Variants in NDC80 observed in about 807,000 individuals in gnomAD.
NDC80 encodes the protein NDC80 kinetochore complex component, also known as kinetochore protein NDC80 homolog.
NDC80 carries 69 observed loss-of-function variants against 89.3 expected under a neutral mutation model. The ratio of observed to expected loss-of-function variants is 0.77; its 90% CI spans 0.64 to 0.94. The LOEUF (loss-of-function observed/expected upper bound fraction) is 0.94, where lower values mean the gene tolerates loss of function less well. Among genes scored for constraint, NDC80 ranks in the 40% least tolerant of loss-of-function variants. The pLI, the probability that NDC80 is intolerant of heterozygous loss-of-function variation, is 0.00. For missense variants in NDC80, 593 were observed against 739.6 expected (o/e 0.80, Z 2.30); for synonymous variants, 243 against 255.6 (o/e 0.95, Z 0.47).
intron 13 of NDC80, among the ~76,000 whole-genome samples, chr18:2,605,274 AT>A (rs2072704795): frequency 4.7e-5 from 6 of 127,178 alleles, no homozygotes; most frequent in Admixed American, 8.0e-5. Context: ...GGCTATATGT[AT>A]GTGTGTGTGT....
At chr18:2,598,561 T>C (rs953002739) in intron 11 of NDC80, among the ~76,000 whole-genome samples, 2 of 152,204 alleles carry the variant, frequency 1.3e-5, no homozygotes, top group African/African-American at 4.8e-5. Flanking sequence ...AATATATTAC[T>C]AAAATATTTT....
intron 7 of NDC80, among the ~76,000 whole-genome samples, chr18:2,585,559 T>G (rs1440399935): frequency 6.6e-6 from 1 of 152,228 alleles, no homozygotes; most frequent in African/African-American, 2.4e-5. Context: ...TCTACTCCAT[T>G]GCTTTTGCAC....
chr18:2,578,569 T>G (rs1171705009), intron 5 of NDC80, among the ~76,000 whole-genome samples: 1 of 152,014 alleles, frequency 6.6e-6, no homozygotes, highest in Non-Finnish European at 1.5e-5. Flanking sequence ...TCACGCCTGG[T>G]GAAAACAGAG....
At chr18:2,614,440 A>C (rs1204367458) in intron 16 of NDC80, 1 of 4,692 alleles carries the variant, frequency 2.1e-4, no homozygotes, top group Non-Finnish European at 3.1e-4. Flanking sequence ...TGTCTCAAAA[A>C]AAGAAAGAAA....
chr18:2,577,608 TTAAA>T lies in NDC80; in HGVS notation c.180-134_180-131del. 3 of 941,466 alleles carry T rather than the reference TTAAA, an allele frequency of 3.2e-6. No individual in the cohort carries two copies. The South Asian group carries it at 5.1e-5, about 16-fold the overall frequency. 58.3% of individuals were successfully genotyped at this position (941,466 alleles called of 1,614,324 possible). On this transcript the variant is annotated intron_variant, in intron 3 of 16. Coordinates refer to ENST00000261597, the MANE Select transcript of NDC80 (RefSeq NM_006101.3). ...TCGTTATTTGCTCCTTTTCTCTGCTTTAAATAAGAGAATTCTGTTTAGTTATAAG... is the reference window on the plus strand; with the variant it reads ...TCGTTATTTGCTCCTTTTCTCTGCTTTAAGAGAATTCTGTTTAGTTATAAG...
chr18:2,609,433 C>G (rs962930460), intron 15 of NDC80, among the ~76,000 whole-genome samples: 2 of 152,064 alleles, frequency 1.3e-5, no homozygotes, highest in African/African-American at 4.8e-5. Context: ...GAGGCCGAGA[C>G]AGGAGAATCA....
chr18:2,577,988 A>G lies in NDC80; in HGVS notation c.323A>G (p.Tyr108Cys), dbSNP rs1324358032. 1.2e-6 allele frequency: 2 copies of G among 1,613,392 alleles called. No individual in the cohort carries two copies. Among genetic ancestry groups the G allele is most frequent in the East Asian group, 2.2e-5 (1 of 44,852 alleles). Reference sequence around the variant, plus strand: ...TTGTAGTTTCTTACAGAAAATGGTTATGCACATAATGTGTCCATGAAATCT... The same window carrying G: ...TTGTAGTTTCTTACAGAAAATGGTTGTGCACATAATGTGTCCATGAAATCT... ...QLCEFLTENG[Y>C]AHNVSMKSLQ... Residue 108 changes from tyrosine to cysteine, a missense_variant, in exon 5 of 17, where the codon TAT becomes TGT. Tyr to Cys is a radical substitution (Grantham distance 194). Coordinates refer to ENST00000261597, the MANE Select transcript of NDC80 (RefSeq NM_006101.3).
At chr18:2,604,648 T>A (rs1356373799) in intron 13 of NDC80, among the ~76,000 whole-genome samples, 1 of 152,156 alleles carries the variant, frequency 6.6e-6, no homozygotes, top group Non-Finnish European at 1.5e-5. Context: ...GCCACTGCAC[T>A]CCAGCCTAGG....
At chr18:2,610,346 G>C (rs28374464) in intron 15 of NDC80, among the ~76,000 whole-genome samples, 9,611 of 152,200 alleles carry the variant, frequency 0.063, 327 homozygotes, top group African/African-American at 0.082. Flanking sequence ...TGTAGGCCAA[G>C]GGGAGAAAAC....
At chr18:2,571,944 CGG>C (rs2143623541) in intron 1 of NDC80, among the ~76,000 whole-genome samples, 1 of 151,954 alleles carries the variant, frequency 6.6e-6, no homozygotes, top group East Asian at 1.9e-4. Context: ...GGAGAGGAAA[CGG>C]GGAAGAATTG....
At chr18:2,598,957 A>G in intron 11 of NDC80, 62 bp from the exon 12 acceptor site, 1 of 1,416,350 alleles carries the variant, frequency 7.1e-7, no homozygotes, top group East Asian at 2.5e-5. Flanking sequence ...TAGAAATGTC[A>G]ATTGAAAAAA....
intron 15 of NDC80, among the ~76,000 whole-genome samples, chr18:2,609,224 T>C (rs1863981557): frequency 6.6e-6 from 1 of 152,178 alleles, no homozygotes; most frequent in African/African-American, 2.4e-5. Flanking sequence ...ATGTATATTA[T>C]ATAGTAAAAT....
intron 3 of NDC80, chr18:2,577,411 T>C: frequency 5.1e-6 from 1 of 195,232 alleles, no homozygotes; most frequent in Non-Finnish European, 1.1e-5. Flanking sequence ...GAGACGAGGT[T>C]TCACCATCTT....
chr18:2,614,542 AGGAAGGAAGGAAGGAAGGAAGG>A, intron 16 of NDC80: 4 of 5,380 alleles, frequency 7.4e-4, no homozygotes, highest in African/African-American at 4.7e-3. Context: ...GAAGGAAGGA[AGGAAGGAAGGAAGGAAGGAAGG>A]GAAAGAAAGA....
intron 7 of NDC80, 87 bp downstream of exon 7, chr18:2,585,289 T>TAA: frequency 1.0e-6 from 1 of 990,236 alleles, no homozygotes; most frequent in Non-Finnish European, 1.6e-6. Flanking sequence ...CCCCTCGACT[T>TAA]ATGATAGAGT....
chr18:2,598,166 G>A (rs944065038), intron 11 of NDC80, among the ~76,000 whole-genome samples: 5 of 152,310 alleles, frequency 3.3e-5, no homozygotes, highest in African/African-American at 1.2e-4. Flanking sequence ...GTTCCAACGT[G>A]TGCTCTTACC....
Position 2,601,402 on chromosome 18 carries a change from C to A in NDC80, c.1381C>A (p.Leu461Ile). The A allele has an allele frequency of 1.3e-6, 2 of 1,485,706 alleles. No individual in the cohort carries two copies. Among genetic ancestry groups the A allele is most frequent in the South Asian group, 1.3e-5 (1 of 77,360 alleles). The allele number at this position is 1,485,706 out of a possible 1,614,324, so 92.0% of individuals were successfully genotyped here. The change falls in exon 13 of 17, where the codon CTT (leucine) becomes ATT (isoleucine). Residue 461 changes from leucine to isoleucine, a missense_variant. Leu to Ile is a conservative substitution (Grantham distance 5, BLOSUM62 2). Coordinates refer to ENST00000261597, the MANE Select transcript of NDC80 (RefSeq NM_006101.3). ...ATTCCTATGTATTTTATAGGTACCT[C>A]TTAAGGAACTCCTGAATGAAACTGA... The part of the protein sequence containing the change: ...VKYRAQVYVP[L>I]KELLNETEEE...
chr18:2,616,488 A>T lies in NDC80; in HGVS notation c.1843A>T (p.Met615Leu). Reference sequence around the variant, plus strand: ...AGTTGATAGAGAATATGAAGAATGCATGTCAGAAGATCTCTCGGAAAATAT... The same window carrying T: ...AGTTGATAGAGAATATGAAGAATGCTTGTCAGAAGATCTCTCGGAAAATAT... ...AKVDREYEEC[M>L]SEDLSENIKE... The change falls in exon 17 of 17, where the codon ATG becomes TTG. Residue 615 changes from methionine (M) to leucine (L), a missense_variant. Physicochemically the swap from Met to Leu is conservative, Grantham distance 15 (BLOSUM62 2). Coordinates refer to ENST00000261597, the MANE Select transcript of NDC80 (RefSeq NM_006101.3). 6.5e-7 allele frequency: 1 copy of T among 1,537,714 alleles called. No homozygotes were observed.
At chr18:2,614,476 AAAGAAAGGAAGGAAGGAAGG>A (rs2072763590) in intron 16 of NDC80, 1 of 4,270 alleles carries the variant, frequency 2.3e-4, no homozygotes, top group African/African-American at 9.9e-4. Context: ...AGAAAGAAAG[AAAGAAAGGAAGGAAGGAAGG>A]AAGGAAGGAA....
Sources: gnomAD v4.1 joint callset for allele counts (sites outside exome capture counted in the v4.1 genomes callset) on GRCh38, gnomAD v4.1.1 for gene constraint, MANE v1.5 for transcripts, NCBI Gene and HGNC (gene_info 2026-07-23, HGNC 2026-07-21) for gene names.